The following CTSD variants were observed in gnomAD, a reference collection of about 807,000 sequenced individuals.
CTSD encodes cathepsin D, also known as ceroid-lipofuscinosis, neuronal 10.
CTSD carries 28 observed loss-of-function variants against 43.6 expected under a neutral mutation model. The ratio of observed to expected loss-of-function variants is 0.64; its 90% confidence interval spans 0.48 to 0.88. The LOEUF (loss-of-function observed/expected upper bound fraction) is 0.88. Among genes scored for constraint, CTSD ranks in the 40% least tolerant of loss-of-function variants. The pLI, the probability that CTSD is intolerant of heterozygous loss-of-function variation, is 0.00. For missense variants in CTSD, 485 were observed against 555.2 expected (o/e 0.87, Z 1.27); for synonymous variants, 270 against 249.8 (o/e 1.08, Z -0.76).
rs561984552 is a variant in CTSD at position 1,757,115 on chromosome 11, C to T, written c.704+209G>A. ...CCGAGCCCCTCCCACTGGGAGACCC[C>T]GGCCAAACAGCTTTCTCTGTGCTGC... On this transcript the variant is annotated intron_variant, in intron 5 of 8. Transcript: ENST00000236671. Among the ~76,000 whole-genome samples, 343 of 152,340 alleles carry T rather than the reference C, an allele frequency of 2.3e-3. 3 individuals carry two copies. Among genetic ancestry groups the T allele is most frequent in the African/African-American group, 8.0e-3 (334 of 41,588 alleles).
At position 1,759,102 on chromosome 11, in the gene CTSD, A is replaced by G. The variant is rs1451285789; in HGVS notation, c.353-15T>C. 1 of 1,581,172 alleles carries G rather than the reference A, an allele frequency of 6.3e-7. No individual in the cohort carries two copies. The highest frequency in any genetic ancestry group is 1.3e-5 in the African/African-American group (1 of 74,348). ...GTGGTGGATCCCTGCCCCGGGCGAC[A>G]AGGGGGCCCGCCGGTCATCCCGCAG... On this transcript the variant is annotated splice_polypyrimidine_tract_variant and intron_variant, in intron 3 of 8. Coordinates refer to ENST00000236671, the MANE Select transcript of CTSD (RefSeq NM_001909.5).
chr11:1,757,344 G>T lies in CTSD; in HGVS notation c.684C>A (p.Ile228=). Residue 228 remains isoleucine (I), a synonymous_variant, in exon 5 of 9, where the codon ATC becomes ATA. Coordinates refer to ENST00000236671, the MANE Select transcript of CTSD (RefSeq NM_001909.5). ...CCCACCTGCTCAGGTAGAAGGAGAAGATGTTCTGGTCCACCAGCTTCTGCT... is the reference window on the plus strand; with the variant it reads ...CCCACCTGCTCAGGTAGAAGGAGAATATGTTCTGGTCCACCAGCTTCTGCT... ...LMQQKLVDQN[I]FSFYLSRDPD... 6.2e-7 allele frequency: 1 copy of T among 1,613,986 alleles called. No homozygotes were observed. Among genetic ancestry groups the T allele is most frequent in the Non-Finnish European group, 8.5e-7 (1 of 1,179,986 alleles).
intron 4 of CTSD, 72 bp from the exon 5 acceptor site, chr11:1,757,628 C>T: frequency 7.8e-7 from 1 of 1,286,244 alleles, no homozygotes; most frequent in Non-Finnish European, 1.1e-6. Context: ...CATGAGGCTA[C>T]AAAACCCAGT....
rs75263677 is a variant in CTSD at position 1,755,703 on chromosome 11, C to T, written c.705-675G>A. On this transcript the variant is annotated intron_variant, in intron 5 of 8. Transcript: ENST00000236671. ...GTAGAGAAGCTCTCTGTGTCTGGGG[C>T]GGTTCTGCCATCCCGCCAGAGCGTC... is the stretch of plus-strand genomic sequence containing the variant. Among the ~76,000 whole-genome samples the T allele has an allele frequency of 9.9e-3, 1,510 of 152,266 alleles. 13 individuals are homozygous for T. The highest frequency in any genetic ancestry group is 0.065 in the Middle Eastern group (19 of 294).
In CTSD at chr11:1,754,062, C is replaced by A. The variant is rs749491748; in HGVS notation, c.904G>T (p.Val302Leu). 1.9e-6 allele frequency: 3 copies of A among 1,611,556 alleles called. No individual in the cohort carries two copies. In the Admixed American group the frequency reaches 5.0e-5, roughly 27 times the overall value. Residue 302 changes from valine to leucine, a missense_variant, in exon 7 of 9, where the codon GTG becomes TTG. Coordinates refer to ENST00000236671, the MANE Select transcript of CTSD (RefSeq NM_001909.5). ...AIVDTGTSLM[V>L]GPVDEVRELQ... ...TCGCGCACCTCATCCACCGGGCCCA[C>A]CATGAGGGAAGTGCCTGTGTCCACA... is the stretch of plus-strand genomic sequence containing the variant.
Position 1,753,827 on chromosome 11 carries a change from C to G in CTSD, c.1047G>C (p.Leu349=). The change falls in exon 8 of 9, where the codon CTG becomes CTC. Residue 349 remains leucine (L), a synonymous_variant. Transcript: ENST00000236671. ...TLKLGGKGYK[L]SPEDYTLKVS... ...CCTTGAGCGTGTAGTCCTCTGGGGA[C>G]AGCTTGTAGCCTTTGCCTCCCAGCT... The G allele has an allele frequency of 6.2e-7, 1 of 1,613,692 alleles. No homozygotes were observed. The highest frequency in any genetic ancestry group is 8.5e-7 in the Non-Finnish European group (1 of 1,179,802).
intron 6 of CTSD, 60 bp from the exon 7 acceptor site, chr11:1,754,198 T>G (rs745653205): frequency 1.6e-5 from 25 of 1,566,446 alleles, no homozygotes; most frequent in Non-Finnish European, 2.1e-5. Context: ...GGGGGCCCAG[T>G]GCCCCTCCCT....
rs373170074 is a variant in CTSD at position 1,754,010 on chromosome 11, G to T, written c.956C>A (p.Pro319Gln). ...RELQKAIGAV[P>Q]LIQGEYMIPC... is the part of the protein sequence containing the mutation. Reference sequence around the variant, plus strand: ...GGCGCTCACCTCGCCCTGAATCAGCGGCACGGCCCCGATGGCCTTCTGCAG... The same window carrying T: ...GGCGCTCACCTCGCCCTGAATCAGCTGCACGGCCCCGATGGCCTTCTGCAG... Residue 319 changes from proline to glutamine, a missense_variant, in exon 7 of 9, where the codon CCG becomes CAG. Physicochemically the swap from Pro to Gln is moderately conservative, Grantham distance 76. Coordinates refer to ENST00000236671, the MANE Select transcript of CTSD (RefSeq NM_001909.5). The T allele has an allele frequency of 1.3e-6, 2 of 1,599,178 alleles. No homozygotes were observed. Among genetic ancestry groups the T allele is most frequent in the South Asian group, 1.1e-5 (1 of 90,384 alleles).
Position 1,763,832 on chromosome 11 carries a change from C to T in CTSD, c.28G>A (p.Ala10Thr). 6.5e-7 allele frequency: 1 copy of T among 1,527,910 alleles called. No homozygotes were observed. The allele number at this position is 1,527,910 out of a possible 1,614,324, so 94.6% of individuals were successfully genotyped here. The stretch of plus-strand genomic sequence containing the variant: ...GCGGGTGCAGCCAGCAGGCAGAGGG[C>T]GAGCGGCAGAAGGCTGGAGGGCTGC... MQPSSLLPL[A>T]LCLLAAPASA... Residue 10 changes from alanine to threonine, a missense_variant, in exon 1 of 9, where the codon GCC becomes ACC. Transcript: ENST00000236671.
chr11:1,759,597 A>G lies in CTSD; in HGVS notation c.271T>C (p.Cys91Arg), dbSNP rs1042278213. ...GEIGIGTPPQ[C>R]FTVVFDTGSS... Reference sequence around the variant, plus strand: ...CCCGTGTCGAAGACGACTGTGAAGCACTGGGGGGGCGTCCCGATGCCAATC... The same window carrying G: ...CCCGTGTCGAAGACGACTGTGAAGCGCTGGGGGGGCGTCCCGATGCCAATC... The change falls in exon 3 of 9, where the codon TGC (cysteine) becomes CGC (arginine). Residue 91 changes from cysteine to arginine, a missense_variant. Physicochemically the swap from Cys to Arg is radical, Grantham distance 180. Coordinates refer to ENST00000236671, the MANE Select transcript of CTSD (RefSeq NM_001909.5). 3 of 1,613,524 alleles carry G rather than the reference A, an allele frequency of 1.9e-6. No individual in the cohort carries two copies. The highest frequency in any genetic ancestry group is 2.5e-6 in the Non-Finnish European group (3 of 1,179,976).
In CTSD at chr11:1,754,372, G is replaced by GGAGGGGC. The variant is rs1845771091; in HGVS notation, c.828-235_828-234insGCCCCTC. 1.3e-4 allele frequency: 73 copies of GGAGGGGC among 568,460 alleles called. No individual in the cohort carries two copies. In the Admixed American group the frequency reaches 2.1e-3, roughly 16 times the overall value. 35.2% of individuals were successfully genotyped at this position (568,460 alleles called of 1,614,324 possible). On this transcript the variant is annotated intron_variant, in intron 6 of 8. Transcript: ENST00000236671. ...GTGAGGGGCATGGAGGGATGGAGGGGATGGAGGGGCATAGAGGGATGGAGG... is the reference window on the plus strand; with the variant it reads ...GTGAGGGGCATGGAGGGATGGAGGGGGAGGGGCATGGAGGGGCATAGAGGGATGGAGG...
intron 3 of CTSD, 25 bp downstream of exon 3, chr11:1,759,491 G>T: frequency 1.9e-6 from 3 of 1,612,518 alleles, no homozygotes; most frequent in Non-Finnish European, 2.5e-6. Context: ...GGACCTGGGC[G>T]ACGGGGCCAG....
intron 6 of CTSD, among the ~76,000 whole-genome samples, chr11:1,754,439 A>AG (rs148929341): frequency 1.2e-4 from 11 of 93,806 alleles, no homozygotes; most frequent in Non-Finnish European, 2.0e-4. Context: ...GGAGGGATGG[A>AG]GGGATGGAGG....
rs529451570 is a variant in CTSD at position 1,752,957 on chromosome 11, CCT to C, written c.*544_*545del. The C allele has an allele frequency of 2.7e-4, 54 of 200,524 alleles. No homozygotes were observed. Among genetic ancestry groups the C allele is most frequent in the Non-Finnish European group, 5.0e-4 (48 of 96,530 alleles). 12.4% of individuals were successfully genotyped at this position (200,524 alleles called of 1,614,324 possible). On this transcript the variant is annotated 3_prime_UTR_variant, in exon 9 of 9. Coordinates refer to ENST00000236671, the MANE Select transcript of CTSD (RefSeq NM_001909.5). ...GGCTCCAACAAGGTGGGTTTTGTCCCCTCTCACTCCTTCCAGCTCATCCTCAG... is the reference window on the plus strand; with the variant it reads ...GGCTCCAACAAGGTGGGTTTTGTCCCCTCACTCCTTCCAGCTCATCCTCAG...
At chr11:1,757,782 C>T (rs974391980) in intron 4 of CTSD, among the ~76,000 whole-genome samples, 10 of 152,170 alleles carry the variant, frequency 6.6e-5, no homozygotes, top group Non-Finnish European at 1.0e-4. Flanking sequence ...TCGGTTTACA[C>T]GAGATGGGAA....
chr11:1,754,085 A>C lies in CTSD; in HGVS notation c.881T>G (p.Val294Gly). Reference protein sequence around the residue: ...TLCKEGCEAIVDTGTSLMVGP... With the variant: ...TLCKEGCEAIGDTGTSLMVGP... The stretch of plus-strand genomic sequence containing the variant: ...CACCATGAGGGAAGTGCCTGTGTCC[A>C]CAATGGCCTCACAGCCCTCCTTGCA... Residue 294 changes from valine (V) to glycine (G), a missense_variant, in exon 7 of 9, where the codon GTG becomes GGG. By Grantham distance (109) the Val-to-Gly change is moderately radical (BLOSUM62 -3). Coordinates refer to ENST00000236671, the MANE Select transcript of CTSD (RefSeq NM_001909.5). 6.2e-7 allele frequency: 1 copy of C among 1,611,538 alleles called. No individual in the cohort carries two copies.
intron 3 of CTSD, 28 bp downstream of exon 3, chr11:1,759,488 G>T: frequency 6.2e-7 from 1 of 1,612,442 alleles, no homozygotes; most frequent in South Asian, 1.1e-5. Context: ...GCAGGACCTG[G>T]GCGACGGGGC....
chr11:1,754,802 C>A, intron 6 of CTSD, 104 bp downstream of exon 6: 1 of 1,509,438 alleles, frequency 6.6e-7, no homozygotes, highest in South Asian at 1.1e-5. Context: ...GCTCCCACTA[C>A]TCCCCACATG....
chr11:1,753,788 C>T lies in CTSD; in HGVS notation c.1071+15G>A, dbSNP rs371021940. On this transcript the variant is annotated intron_variant, in intron 8 of 8. Coordinates refer to ENST00000236671, the MANE Select transcript of CTSD (RefSeq NM_001909.5). The stretch of plus-strand genomic sequence containing the variant: ...CCGCTCACCTGGGGCGTGCGGCACC[C>T]CATTGCCCGCTCACCTTGAGCGTGT... 47 of 1,612,812 alleles carry T rather than the reference C, an allele frequency of 2.9e-5. No homozygotes were observed. Among genetic ancestry groups the T allele is most frequent in the Non-Finnish European group, 3.9e-5 (46 of 1,179,412 alleles).
Sources: allele counts gnomAD v4.1 joint callset (sites outside exome capture counted in the v4.1 genomes callset), GRCh38; gene constraint gnomAD v4.1.1; transcripts MANE v1.5; gene names NCBI Gene and HGNC (gene_info 2026-07-23, HGNC 2026-07-21).